Variants in CSMD3 observed in about 807,000 individuals in gnomAD.
The protein encoded by CSMD3 is CUB and Sushi multiple domains 3, also known as CUB and sushi domain-containing protein 3.
CSMD3 carries 177 observed loss-of-function variants against 435.2 expected under a neutral mutation model. The ratio of observed to expected loss-of-function variants is 0.41; its 90% CI spans 0.36 to 0.46. The LOEUF is 0.46. CSMD3 is among the 20% of genes least tolerant of loss of function. The probability of loss-of-function intolerance (pLI) is 0.34; values close to 1 mark genes in which losing one functional copy is unlikely to be tolerated. For missense variants in CSMD3, 4,265 were observed against 4,504.6 expected, an observed-to-expected ratio of 0.95 and a Z score of 1.52; for synonymous variants, 1,656 against 1,520.5, an observed-to-expected ratio of 1.09 and a Z score of -2.07.
chr8:112,225,855 AT>A (rs1304814989), intron 70 of CSMD3, among the ~76,000 whole-genome samples: 3 of 152,090 alleles, frequency 2.0e-5, no homozygotes, highest in African/African-American at 7.2e-5. Flanking sequence ...TGAAATTCTG[AT>A]TCATTTGTTT....
chr8:112,601,187 C>T (rs1015664068), intron 22 of CSMD3, among the ~76,000 whole-genome samples: 1 of 151,912 alleles, frequency 6.6e-6, no homozygotes, highest in African/African-American at 2.4e-5. Context: ...AATTTCTCTG[C>T]ATACTATATG....
At chr8:113,383,156 G>T (rs1234068900) in intron 1 of CSMD3, among the ~76,000 whole-genome samples, 1 of 152,070 alleles carries the variant, frequency 6.6e-6, no homozygotes, top group Non-Finnish European at 1.5e-5. Context: ...AGAAATGAAA[G>T]AACGTAAGTC....
At chr8:112,675,032 A>C (rs2075742071) in intron 16 of CSMD3, among the ~76,000 whole-genome samples, 1 of 152,112 alleles carries the variant, frequency 6.6e-6, no homozygotes, top group African/African-American at 2.4e-5. Flanking sequence ...GAGATAAAAG[A>C]ATCAGCTAGA....
chr8:113,370,591 T>G (rs1394724330), intron 1 of CSMD3, among the ~76,000 whole-genome samples: 1 of 151,982 alleles, frequency 6.6e-6, no homozygotes, highest in Non-Finnish European at 1.5e-5. Context: ...ATATATCCCC[T>G]GCACCCACTC....
chr8:113,232,051 T>A (rs1013520295), intron 3 of CSMD3, among the ~76,000 whole-genome samples: 1 of 151,530 alleles, frequency 6.6e-6, no homozygotes, highest in Admixed American at 6.6e-5. Context: ...TGCATCGCAA[T>A]TCACAAAGAA....
At chr8:113,375,387 A>G (rs1294277920) in intron 1 of CSMD3, among the ~76,000 whole-genome samples, 2 of 152,136 alleles carry the variant, frequency 1.3e-5, no homozygotes, top group Non-Finnish European at 2.9e-5. Flanking sequence ...AATAAGTAAA[A>G]TTCGCTTTGA....
rs766489936 is a variant in CSMD3, at chr8:112,390,679, C to T, written c.5919G>A (p.Glu1973=). 1 of 1,612,950 alleles carries T rather than the reference C, an allele frequency of 6.2e-7. No individual in the cohort carries two copies. The highest frequency in any genetic ancestry group is 1.1e-5 in the South Asian group (1 of 91,046). ...ATATTCTTACTTGAATGCCAGCTCCCTCTGGCACTGTGATCTTCCACACAC... is the reference window on the plus strand; with the variant it reads ...ATATTCTTACTTGAATGCCAGCTCCTTCTGGCACTGTGATCTTCCACACAC... ...LNCVWKITVP[E]GAGIQVQVVS... Residue 1973 remains glutamate, a synonymous_variant, in exon 36 of 71, where the codon GAG becomes GAA. Coordinates refer to ENST00000297405, the MANE Select transcript of CSMD3 (RefSeq NM_198123.2).
At chr8:113,029,701 T>C (rs1196695690) in intron 5 of CSMD3, among the ~76,000 whole-genome samples, 2 of 151,564 alleles carry the variant, frequency 1.3e-5, no homozygotes, top group Admixed American at 1.3e-4. Context: ...AAGCATTCCC[T>C]CTGAGAACTG....
chr8:113,081,914 C>T (rs377283327), intron 5 of CSMD3, among the ~76,000 whole-genome samples: 2 of 152,246 alleles, frequency 1.3e-5, no homozygotes, highest in East Asian at 1.9e-4. Flanking sequence ...CTGAGAGCCA[C>T]GTACCCGGAC....
intron 16 of CSMD3, among the ~76,000 whole-genome samples, chr8:112,676,852 T>C (rs2075780291): frequency 6.6e-6 from 1 of 152,152 alleles, no homozygotes; most frequent in Admixed American, 6.6e-5. Context: ...CATGGCCTGG[T>C]ATCCCTTTCA....
chr8:113,270,907 A>T (rs1255688809), intron 3 of CSMD3, among the ~76,000 whole-genome samples: 1 of 151,848 alleles, frequency 6.6e-6, no homozygotes, highest in African/African-American at 2.4e-5. Flanking sequence ...GCACACCAAC[A>T]TGGCACATGT....
At chr8:113,269,523 C>G (rs1355612344) in intron 3 of CSMD3, among the ~76,000 whole-genome samples, 1 of 152,124 alleles carries the variant, frequency 6.6e-6, no homozygotes, top group South Asian at 2.1e-4. Flanking sequence ...GCCAAAAGAT[C>G]AAAGCTGGAG....
At chr8:113,403,700 A>G (rs916555947) in intron 1 of CSMD3, among the ~76,000 whole-genome samples, 1 of 151,488 alleles carries the variant, frequency 6.6e-6, no homozygotes, top group East Asian at 1.9e-4. Flanking sequence ...AGCAAATGTA[A>G]AAGTAAATAC....
chr8:112,363,786 T>A lies in CSMD3; in HGVS notation c.6137-11252A>T, dbSNP rs867112357. 3.9e-5 allele frequency among the ~76,000 whole-genome samples: 6 copies of A among 152,178 alleles called. No homozygotes were observed. The South Asian group carries it at 1.0e-3, about 26-fold the overall frequency. Reference sequence around the variant, plus strand: ...CTTTATAGGGTTAAGAAGTGCAATGTGTTTATAAAGATCAATTACACTTAT... The same window carrying A: ...CTTTATAGGGTTAAGAAGTGCAATGAGTTTATAAAGATCAATTACACTTAT... On this transcript the variant is annotated intron_variant, in intron 38 of 70. Coordinates refer to ENST00000297405, the MANE Select transcript of CSMD3 (RefSeq NM_198123.2).
Position 113,036,002 on chromosome 8 carries a change from C to T in CSMD3, c.918-16823G>A, listed in dbSNP as rs151199178. Among the ~76,000 whole-genome samples, 1,303 of 151,928 alleles carry T rather than the reference C, an allele frequency of 8.6e-3. 22 individuals carry two copies. The highest frequency in any genetic ancestry group is 0.029 in the African/African-American group (1,222 of 41,504). ...TTGCTTATAACAAATTTTCTTTAGG[C>T]CTCTTGAACTGATACAATACCCACG... On this transcript the variant is annotated intron_variant, in intron 5 of 70. Coordinates refer to ENST00000297405, the MANE Select transcript of CSMD3 (RefSeq NM_198123.2).
At chr8:112,235,801 G>A (rs1813524001) in intron 67 of CSMD3, among the ~76,000 whole-genome samples, 1 of 152,046 alleles carries the variant, frequency 6.6e-6, no homozygotes, top group Non-Finnish European at 1.5e-5. Context: ...TAATATTGCT[G>A]AAAAATTGCT....
intron 53 of CSMD3, among the ~76,000 whole-genome samples, chr8:112,298,373 G>A (rs189826206): frequency 2.8e-3 from 427 of 152,158 alleles, no homozygotes; most frequent in African/African-American, 9.7e-3. Context: ...AAGTAAAAAA[G>A]CTCCTCAATG....
Position 112,938,144 on chromosome 8 carries a change from A to G in CSMD3, c.1508+9646T>C, listed in dbSNP as rs139889403. Reference sequence around the variant, plus strand: ...TTGTAATCTGAGACCAGTTTTATCTATAAGTGCTGAAATAAGTTGCTGCAA... The same window carrying G: ...TTGTAATCTGAGACCAGTTTTATCTGTAAGTGCTGAAATAAGTTGCTGCAA... On this transcript the variant is annotated intron_variant, in intron 9 of 70. Coordinates refer to ENST00000297405, the MANE Select transcript of CSMD3 (RefSeq NM_198123.2). Among the ~76,000 whole-genome samples the G allele has an allele frequency of 5.7e-4, 87 of 152,286 alleles. 1 individual carries two copies. The highest frequency in any genetic ancestry group is 2.0e-3 in the African/African-American group (84 of 41,572).
chr8:112,304,705 CAG>C lies in CSMD3; in HGVS notation c.8266+14_8266+15del. 1 of 1,580,318 alleles carries C rather than the reference CAG, an allele frequency of 6.3e-7. No individual in the cohort carries two copies. The highest frequency in any genetic ancestry group is 8.7e-7 in the Non-Finnish European group (1 of 1,149,228). ...AACATAGCTTATGAAATAAGTTTAG[CAG>C]AGTGTATACTTACTTTGGCAATATG... On this transcript the variant is annotated intron_variant, in intron 52 of 70. Coordinates refer to ENST00000297405, the MANE Select transcript of CSMD3 (RefSeq NM_198123.2).
Sources: allele counts gnomAD v4.1 joint callset (sites outside exome capture counted in the v4.1 genomes callset), GRCh38; gene constraint gnomAD v4.1.1; transcripts MANE v1.5; gene names NCBI Gene and HGNC (gene_info 2026-07-23, HGNC 2026-07-21).